Variants in PDE7B observed in about 807,000 individuals in gnomAD.
The protein encoded by PDE7B is phosphodiesterase 7B.
Under a neutral mutation model 56.2 loss-of-function variants are expected in PDE7B, and 29 were observed. The observed-to-expected ratio is 0.52, with a 90% CI of 0.38 to 0.70. The LOEUF is 0.70. Among genes scored for constraint, PDE7B ranks in the 30% least tolerant of loss-of-function variants. PDE7B has a pLI of 0.00. For missense variants in PDE7B, 490 were observed against 565.0 expected, an observed-to-expected ratio of 0.87 and a Z score of 1.35; for synonymous variants, 197 against 196.9, an observed-to-expected ratio of 1.00 and a Z score of 0.00.
At chr6:135,999,494 A>G (rs1321589115) in intron 2 of PDE7B, among the ~76,000 whole-genome samples, 1 of 151,852 alleles carries the variant, frequency 6.6e-6, no homozygotes, top group African/African-American at 2.4e-5. Context: ...CCTCCCTCTT[A>G]TAAGTAAGAA....
intron 2 of PDE7B, among the ~76,000 whole-genome samples, chr6:135,972,251 A>G (rs1233425377): frequency 6.6e-6 from 1 of 151,304 alleles, no homozygotes; most frequent in Admixed American, 6.6e-5. Context: ...AAAAAAAAAA[A>G]AAAAAAAAAA....
chr6:136,162,808 G>T (rs1375374995), intron 8 of PDE7B, among the ~76,000 whole-genome samples: 2 of 152,210 alleles, frequency 1.3e-5, no homozygotes, highest in Non-Finnish European at 2.9e-5. Flanking sequence ...AAGGGTTACA[G>T]GCCCCATGCA....
chr6:136,186,433 G>GA lies in PDE7B; in HGVS notation c.1046-596dup, dbSNP rs775901761. Among the ~76,000 whole-genome samples the GA allele has an allele frequency of 2.0e-5, 3 of 151,726 alleles. No individual in the cohort carries two copies. The East Asian group carries it at 5.8e-4, about 29-fold the overall frequency. ...ACAGAATGAGACTCTGTCTCAAAAA[G>GA]AAAAAAAGAAATACCATTCTGACCT... is the stretch of plus-strand genomic sequence containing the variant. On this transcript the variant is annotated intron_variant, in intron 11 of 12. Coordinates refer to ENST00000308191, the MANE Select transcript of PDE7B (RefSeq NM_018945.4).
intron 2 of PDE7B, among the ~76,000 whole-genome samples, chr6:136,093,730 A>G (rs1777428722): frequency 6.6e-6 from 1 of 152,214 alleles, no homozygotes; most frequent in Admixed American, 6.5e-5. Context: ...AGGACTTGCC[A>G]CAAGTGGAAT....
chr6:136,058,548 G>A (rs567710670), intron 2 of PDE7B, among the ~76,000 whole-genome samples: 2 of 152,288 alleles, frequency 1.3e-5, no homozygotes, highest in East Asian at 3.9e-4. Context: ...AATAAGACTA[G>A]TAAGAATTAT....
At chr6:135,898,854 G>C (rs1775947392) in intron 1 of PDE7B, among the ~76,000 whole-genome samples, 1 of 152,062 alleles carries the variant, frequency 6.6e-6, no homozygotes, top group South Asian at 2.1e-4. Flanking sequence ...AGTGGCAAAT[G>C]TATTAAACCT....
intron 2 of PDE7B, among the ~76,000 whole-genome samples, chr6:136,025,320 TAAATA>T (rs1341896924): frequency 1.3e-5 from 2 of 152,202 alleles, no homozygotes; most frequent in Non-Finnish European, 2.9e-5. Flanking sequence ...TGTAAAATGC[TAAATA>T]AAATAAAATG....
At chr6:136,183,091 A>AAAAAAAG (rs1247759480) in intron 11 of PDE7B, among the ~76,000 whole-genome samples, 1 of 148,738 alleles carries the variant, frequency 6.7e-6, no homozygotes, top group African/African-American at 2.6e-5. Context: ...AAAAAAAAAA[A>AAAAAAAG]CCCTTTTCTC....
intron 2 of PDE7B, among the ~76,000 whole-genome samples, chr6:136,086,803 G>T (rs146712460): frequency 5.1e-4 from 78 of 152,346 alleles, no homozygotes; most frequent in Admixed American, 1.6e-3. Flanking sequence ...TTCAGCAACA[G>T]CTTGAGAATG....
chr6:136,055,283 T>A (rs9402789), intron 2 of PDE7B, among the ~76,000 whole-genome samples: 1 of 152,206 alleles, frequency 6.6e-6, no homozygotes, highest in Admixed American at 6.5e-5. Flanking sequence ...GGCAGGGAGA[T>A]GATGTACTCT....
At chr6:135,889,502 G>T (rs1414057986) in intron 1 of PDE7B, among the ~76,000 whole-genome samples, 1 of 136,486 alleles carries the variant, frequency 7.3e-6, no homozygotes, top group South Asian at 2.3e-4. Context: ...GTGCAATGAC[G>T]CAATCTCGGC....
At chr6:136,003,744 T>G (rs1026325182) in intron 2 of PDE7B, among the ~76,000 whole-genome samples, 6 of 148,956 alleles carry the variant, frequency 4.0e-5, no homozygotes, top group Non-Finnish European at 8.9e-5. Flanking sequence ...CAGGACCAGA[T>G]GGATTCACAG....
At chr6:136,116,977 A>G (rs1156475750) in intron 3 of PDE7B, 6 of 152,246 alleles carry the variant, frequency 3.9e-5, no homozygotes, top group African/African-American at 1.2e-4. Flanking sequence ...CTATTTAGAC[A>G]TAAGAGTTCA....
intron 2 of PDE7B, among the ~76,000 whole-genome samples, chr6:136,097,838 C>T (rs555868897): frequency 6.6e-6 from 1 of 151,996 alleles, no homozygotes; most frequent in Non-Finnish European, 1.5e-5. Flanking sequence ...ATGATCTCTC[C>T]GATAAGCCAT....
intron 1 of PDE7B, among the ~76,000 whole-genome samples, chr6:135,904,623 A>G (rs1264517254): frequency 1.3e-5 from 2 of 152,218 alleles, no homozygotes; most frequent in East Asian, 1.9e-4. Context: ...GATATTAACT[A>G]TATTATATCA....
chr6:136,157,731 T>C (rs1015887625), intron 8 of PDE7B, among the ~76,000 whole-genome samples: 10 of 151,788 alleles, frequency 6.6e-5, no homozygotes, highest in African/African-American at 2.4e-4. Context: ...AAAAAGAACA[T>C]AGAAAAAGAA....
chr6:135,911,163 A>G (rs1488059728), intron 1 of PDE7B, among the ~76,000 whole-genome samples: 1 of 152,256 alleles, frequency 6.6e-6, no homozygotes, highest in Non-Finnish European at 1.5e-5. Context: ...TTTATTTACA[A>G]GAAGGCTGGG....
At chr6:135,864,400 G>A (rs774238535) in intron 1 of PDE7B, among the ~76,000 whole-genome samples, 4 of 151,890 alleles carry the variant, frequency 2.6e-5, no homozygotes, top group Non-Finnish European at 5.9e-5. Context: ...TGATGATTTT[G>A]TTTAGATTTT....
chr6:136,087,372 TAAG>T (rs1010586492), intron 2 of PDE7B, among the ~76,000 whole-genome samples: 3 of 151,936 alleles, frequency 2.0e-5, no homozygotes, highest in Non-Finnish European at 4.4e-5. Context: ...AAGAAAAATA[TAAG>T]AATAAAAAAT....
Sources: gnomAD v4.1 joint callset for allele counts (sites outside exome capture counted in the v4.1 genomes callset) on GRCh38, gnomAD v4.1.1 for gene constraint, MANE v1.5 for transcripts, NCBI Gene and HGNC (gene_info 2026-07-23, HGNC 2026-07-21) for gene names.